ITPK1: variants seen among roughly 807,000 people sequenced by gnomAD.
The protein encoded by ITPK1 is inositol-tetrakisphosphate 1-kinase.
ITPK1 carries 21 observed loss-of-function variants against 45.3 expected under a neutral mutation model. The observed-to-expected ratio is 0.46, with a 90% CI of 0.33 to 0.67. The LOEUF (loss-of-function observed/expected upper bound fraction) is 0.67, where lower values mean the gene tolerates loss of function less well. Ranked by LOEUF, ITPK1 falls within the 30% of genes least tolerant of loss-of-function variation. The pLI, the probability that ITPK1 is intolerant of heterozygous loss-of-function variation, is 0.02. For synonymous variants in ITPK1, 258 were observed against 253.6 expected (o/e 1.02, Z -0.16); for missense variants, 474 against 573.5 (o/e 0.83, Z 1.77).
intron 7 of ITPK1, among the ~76,000 whole-genome samples, chr14:92,960,462 G>A (rs980351890): frequency 3.9e-5 from 6 of 152,268 alleles, no homozygotes; most frequent in East Asian, 3.9e-4. Context: ...AGCCGCTAAC[G>A]TCTCCAGTCA....
chr14:93,055,641 G>A (rs201149978), intron 3 of ITPK1, among the ~76,000 whole-genome samples: 7 of 152,130 alleles, frequency 4.6e-5, no homozygotes, highest in African/African-American at 7.2e-5. Flanking sequence ...GCATGAGCTC[G>A]GGACTCCTCT....
chr14:93,102,445 C>T (rs1050940000), intron 2 of ITPK1, among the ~76,000 whole-genome samples: 2 of 152,250 alleles, frequency 1.3e-5, no homozygotes, highest in African/African-American at 4.8e-5. Context: ...TTTCAAGGAT[C>T]CCATGACGAA....
chr14:92,944,989 C>T (rs987761002), intron 10 of ITPK1, among the ~76,000 whole-genome samples: 22 of 152,240 alleles, frequency 1.4e-4, no homozygotes, highest in Non-Finnish European at 4.4e-5. Flanking sequence ...CTTCCTGCCC[C>T]GCAGCTGCAC....
At chr14:93,026,927 G>T (rs1303953294) in intron 3 of ITPK1, among the ~76,000 whole-genome samples, 4 of 152,136 alleles carry the variant, frequency 2.6e-5, no homozygotes, top group Admixed American at 1.3e-4. Context: ...CTGAACATTG[G>T]GGATAGGTTC....
intron 4 of ITPK1, among the ~76,000 whole-genome samples, chr14:93,011,656 G>T (rs1441417618): frequency 1.3e-5 from 2 of 152,174 alleles, no homozygotes; most frequent in Non-Finnish European, 2.9e-5. Context: ...TGGCAGCGGA[G>T]GGAGGGGATG....
At chr14:93,103,887 C>G (rs1034160585) in intron 2 of ITPK1, among the ~76,000 whole-genome samples, 3 of 152,168 alleles carry the variant, frequency 2.0e-5, no homozygotes, top group Non-Finnish European at 4.4e-5. Context: ...CTACCATGCC[C>G]CGCCCTGCCC....
intron 3 of ITPK1, among the ~76,000 whole-genome samples, chr14:93,051,966 C>A (rs1890033468): frequency 6.6e-6 from 1 of 152,234 alleles, no homozygotes; most frequent in South Asian, 2.1e-4. Context: ...CCAGCACATT[C>A]CACTCTGAGG....
intron 4 of ITPK1, among the ~76,000 whole-genome samples, chr14:93,003,056 G>A (rs1189385324): frequency 6.6e-6 from 1 of 152,360 alleles, no homozygotes; most frequent in Non-Finnish European, 1.5e-5. Flanking sequence ...GCGTGGCGCA[G>A]GGGGAAGAGC....
At chr14:92,950,678 G>A (rs1168543415) in intron 9 of ITPK1, among the ~76,000 whole-genome samples, 1 of 152,246 alleles carries the variant, frequency 6.6e-6, no homozygotes, top group Admixed American at 6.5e-5. Flanking sequence ...GCCCCTGAGA[G>A]GACACTCAGT....
intron 2 of ITPK1, among the ~76,000 whole-genome samples, chr14:93,090,793 T>C (rs960526737): frequency 6.6e-6 from 1 of 152,124 alleles, no homozygotes; most frequent in Non-Finnish European, 1.5e-5. Context: ...CTTAAACTCA[T>C]CTGAATTGGA....
In ITPK1 at chr14:92,962,369, T is replaced by C. The variant is rs957269790; in HGVS notation, c.490A>G (p.Thr164Ala). ...FICKTRVAHG[T>A]NSHEMAIVFN... Reference sequence around the variant, plus strand: ...CTTCCACTCACCTCGTGAGAGTTGGTGCCATGAGCCACTCTGGTTTTGCAA... The same window carrying C: ...CTTCCACTCACCTCGTGAGAGTTGGCGCCATGAGCCACTCTGGTTTTGCAA... The change falls in exon 7 of 11, where the codon ACC (threonine) becomes GCC (alanine). Residue 164 changes from threonine to alanine, a missense_variant. Around this residue, in one of 2 missense-constraint regions of ITPK1, gnomAD observed 367 missense variants for 480.6 expected, o/e 0.76. Coordinates refer to ENST00000267615, the MANE Select transcript of ITPK1 (RefSeq NM_014216.6). 6 of 1,610,932 alleles carry C rather than the reference T, an allele frequency of 3.7e-6. No homozygotes were observed. Among genetic ancestry groups the C allele is most frequent in the Non-Finnish European group, 5.1e-6 (6 of 1,177,250 alleles).
intron 3 of ITPK1, among the ~76,000 whole-genome samples, chr14:93,057,350 A>G (rs981158584): frequency 2.0e-5 from 3 of 152,202 alleles, no homozygotes; most frequent in African/African-American, 7.2e-5. Flanking sequence ...AACAGCACCC[A>G]AAGAGCCTGC....
intron 4 of ITPK1, among the ~76,000 whole-genome samples, chr14:92,999,217 C>A (rs895955901): frequency 1.3e-5 from 2 of 152,238 alleles, no homozygotes; most frequent in African/African-American, 4.8e-5. Flanking sequence ...GCAGGGACGG[C>A]TGCGCACAAG....
At chr14:92,995,369 G>A (rs1179213182) in intron 4 of ITPK1, among the ~76,000 whole-genome samples, 2 of 152,246 alleles carry the variant, frequency 1.3e-5, no homozygotes, top group African/African-American at 4.8e-5. Context: ...TATGGACAGA[G>A]AGAAAGAGCC....
intron 3 of ITPK1, among the ~76,000 whole-genome samples, chr14:93,057,675 G>A (rs748428471): frequency 3.3e-5 from 5 of 152,198 alleles, no homozygotes; most frequent in African/African-American, 1.2e-4. Context: ...AGCAGAGCCC[G>A]GCCGAGGCCA....
chr14:93,030,758 C>G (rs962054872), intron 3 of ITPK1, among the ~76,000 whole-genome samples: 15 of 152,180 alleles, frequency 9.9e-5, no homozygotes, highest in Non-Finnish European at 2.1e-4. Context: ...CCCCTAGTAC[C>G]TCAGAACGTG....
At chr14:92,995,639 C>G (rs1490418772) in intron 4 of ITPK1, among the ~76,000 whole-genome samples, 1 of 152,200 alleles carries the variant, frequency 6.6e-6, no homozygotes, top group East Asian at 1.9e-4. Flanking sequence ...TGTGACTCTC[C>G]TCACCCCTTA....
rs1314741018 is a variant in ITPK1 at position 93,115,188 on chromosome 14, G to C, written c.-25C>G. Reference sequence around the variant, plus strand: ...TCTTCCTCCTCGGGCGGGGAGCCTGGGTCCGGAGGAAATCGCCCACAGGCC... The same window carrying C: ...TCTTCCTCCTCGGGCGGGGAGCCTGCGTCCGGAGGAAATCGCCCACAGGCC... On this transcript the variant is annotated 5_prime_UTR_variant, in exon 2 of 11. Transcript: ENST00000267615. 1 of 1,552,854 alleles carries C rather than the reference G, an allele frequency of 6.4e-7. No homozygotes were observed. The highest frequency in any genetic ancestry group is 1.4e-5 in the African/African-American group (1 of 72,372).
chr14:93,085,686 C>A (rs1891622490), intron 2 of ITPK1, among the ~76,000 whole-genome samples: 2 of 152,192 alleles, frequency 1.3e-5, no homozygotes, highest in Admixed American at 1.3e-4. Flanking sequence ...CAGTGTTCTG[C>A]CACATCCAAG....
Sources: gnomAD v4.1 joint callset for allele counts (sites outside exome capture counted in the v4.1 genomes callset) on GRCh38, gnomAD v4.1.1 for gene constraint, gnomAD v4.1.1 regional missense constraint, MANE v1.5 for transcripts, NCBI Gene and HGNC (gene_info 2026-07-23, HGNC 2026-07-21) for gene names.